Variants in PEMT observed in about 807,000 individuals in gnomAD.
The protein encoded by PEMT is phospholipid methyltransferase.
A neutral mutation model predicts 27.4 loss-of-function variants in PEMT; 23 were observed. The ratio of observed to expected loss-of-function variants is 0.84; its 90% CI spans 0.60 to 1.19. The LOEUF (loss-of-function observed/expected upper bound fraction) is 1.19. Among genes scored for constraint, PEMT ranks in the 50% most tolerant of loss-of-function variants. PEMT has a pLI of 0.00. For synonymous variants in PEMT, 137 were observed against 139.1 expected, an observed-to-expected ratio of 0.98 and a Z score of 0.11; for missense variants, 307 against 310.1, an observed-to-expected ratio of 0.99 and a Z score of 0.07.
intron 1 of PEMT, 41 bp downstream of exon 1, chr17:17,591,490 T>C: frequency 7.2e-6 from 11 of 1,517,374 alleles, no homozygotes; most frequent in Non-Finnish European, 9.1e-6. Context: ...GCCTTGCAGA[T>C]CCCTCTCCCA....
At chr17:17,571,559 C>G (rs1567739436) in intron 2 of PEMT, among the ~76,000 whole-genome samples, 1 of 152,080 alleles carries the variant, frequency 6.6e-6, no homozygotes, top group Non-Finnish European at 1.5e-5. Context: ...TGCTGATGAG[C>G]AGAAGCGGGC....
chr17:17,547,299 A>C (rs930950754), intron 2 of PEMT, among the ~76,000 whole-genome samples: 1 of 152,214 alleles, frequency 6.6e-6, no homozygotes, highest in African/African-American at 2.4e-5. Context: ...TCAGGTAGCT[A>C]TGGAGGGCTG....
chr17:17,521,616 G>A (rs1353590923), intron 3 of PEMT, among the ~76,000 whole-genome samples: 1 of 151,976 alleles, frequency 6.6e-6, no homozygotes. Context: ...CCAGGCTGGA[G>A]TGCACTGGTG....
intron 2 of PEMT, among the ~76,000 whole-genome samples, chr17:17,542,690 G>T (rs1419143885): frequency 6.6e-6 from 1 of 152,194 alleles, no homozygotes; most frequent in Non-Finnish European, 1.5e-5. Flanking sequence ...CAGTTTCAGG[G>T]CTTTTCCACA....
At chr17:17,559,586 C>A (rs1292336602) in intron 2 of PEMT, among the ~76,000 whole-genome samples, 1 of 152,110 alleles carries the variant, frequency 6.6e-6, no homozygotes, top group Non-Finnish European at 1.5e-5. Context: ...GCTGGTGGGG[C>A]CAGATGAAGG....
chr17:17,556,827 C>T (rs1294276830), intron 2 of PEMT, among the ~76,000 whole-genome samples: 1 of 152,116 alleles, frequency 6.6e-6, no homozygotes, highest in Admixed American at 6.5e-5. Flanking sequence ...GGAGTGGGAG[C>T]TTTGCTATTA....
At position 17,539,568 on chromosome 17, in the gene PEMT, C is replaced by T. The variant is rs116283482; in HGVS notation, c.205-17173G>A. Among the ~76,000 whole-genome samples the T allele has an allele frequency of 2.1e-3, 313 of 152,346 alleles. 3 individuals carry two copies. Among genetic ancestry groups the T allele is most frequent in the African/African-American group, 6.9e-3 (288 of 41,584 alleles). On this transcript the variant is annotated intron_variant, in intron 2 of 6. Coordinates refer to ENST00000255389, the MANE Select transcript of PEMT (RefSeq NM_148172.3). ...AGGATTCTTTGGTGTGGACGTGCCA[C>T]AGTCCGTGTGTCCCTGCCCCAGCTG...
At chr17:17,515,376 G>A (rs1002913583) in intron 3 of PEMT, among the ~76,000 whole-genome samples, 1 of 152,218 alleles carries the variant, frequency 6.6e-6, no homozygotes, top group Admixed American at 6.5e-5. Flanking sequence ...GGGCCAGGGA[G>A]CGGGTGGGAG....
chr17:17,567,878 T>A (rs1178061862), intron 2 of PEMT, among the ~76,000 whole-genome samples: 2 of 152,242 alleles, frequency 1.3e-5, no homozygotes, highest in African/African-American at 2.4e-5. Flanking sequence ...CAAGAGGCCC[T>A]GGCAGAGGAC....
chr17:17,586,033 A>C (rs944150660), intron 1 of PEMT, among the ~76,000 whole-genome samples: 1 of 150,600 alleles, frequency 6.6e-6, no homozygotes, highest in Non-Finnish European at 1.5e-5. Flanking sequence ...CAGTGACCCA[A>C]GATGGCGCCA....
At chr17:17,570,009 T>C (rs796774341) in intron 2 of PEMT, among the ~76,000 whole-genome samples, 10 of 152,296 alleles carry the variant, frequency 6.6e-5, no homozygotes, top group African/African-American at 1.9e-4. Flanking sequence ...GGGGTGTGCA[T>C]AGAACCTGGC....
rs1382724854 is a variant in PEMT at position 17,523,454 on chromosome 17, G to A, written c.205-1059C>T. Among the ~76,000 whole-genome samples, 1 of 152,176 alleles carries A rather than the reference G, an allele frequency of 6.6e-6. No individual in the cohort carries two copies. The highest frequency in any genetic ancestry group is 2.4e-5 in the African/African-American group (1 of 41,442). On this transcript the variant is annotated intron_variant, in intron 2 of 6. Transcript: ENST00000255389. The surrounding 1 kb of genome is among the most constrained non-coding windows in gnomAD (Gnocchi z 4.8). ...CTCCCTAGTGAGTCCTCTGGCCCCTGTCCTCAGAGCTCCTTGGCAGTGGCA... is the reference window on the plus strand; with the variant it reads ...CTCCCTAGTGAGTCCTCTGGCCCCTATCCTCAGAGCTCCTTGGCAGTGGCA...
rs1394103770 is a variant in PEMT, at chr17:17,512,683, G to A, written c.321-29C>T. ...TGGGCAGGGGATGGAGAGGGAGGAC[G>A]TCATGGCCAGGGAGGATGTCACAGC... On this transcript the variant is annotated intron_variant, in intron 3 of 6. Transcript: ENST00000255389. This position sits in a 1 kb window ranked among gnomAD's most constrained non-coding sequence, Gnocchi z 6.3. 2 of 1,482,188 alleles carry A rather than the reference G, an allele frequency of 1.3e-6. No individual in the cohort carries two copies. Among genetic ancestry groups the A allele is most frequent in the Non-Finnish European group, 1.8e-6 (2 of 1,106,928 alleles). 91.8% of individuals were successfully genotyped at this position (1,482,188 alleles called of 1,614,324 possible).
At chr17:17,570,927 T>C (rs900759255) in intron 2 of PEMT, 7 of 984,490 alleles carry the variant, frequency 7.1e-6, no homozygotes, top group Middle Eastern at 5.2e-4. Context: ...TCTGGAGTGA[T>C]AGGGAAAGAA....
chr17:17,521,141 G>A (rs913520327), intron 3 of PEMT, among the ~76,000 whole-genome samples: 2 of 152,340 alleles, frequency 1.3e-5, no homozygotes, highest in African/African-American at 2.4e-5. Flanking sequence ...GCTGTGCCTC[G>A]GCCCCAGTGA....
At chr17:17,536,085 A>G (rs1317124870) in intron 2 of PEMT, among the ~76,000 whole-genome samples, 1 of 152,218 alleles carries the variant, frequency 6.6e-6, no homozygotes, top group African/African-American at 2.4e-5. Context: ...CACTGCACTG[A>G]CTGTGGCATG....
At chr17:17,547,232 C>T (rs1909319424) in intron 2 of PEMT, among the ~76,000 whole-genome samples, 1 of 152,274 alleles carries the variant, frequency 6.6e-6, no homozygotes, top group South Asian at 2.1e-4. Context: ...CAAATGCCAG[C>T]CATAGTCCTC....
At chr17:17,569,579 G>A (rs4646353) in intron 2 of PEMT, among the ~76,000 whole-genome samples, 3,551 of 152,292 alleles carry the variant, frequency 0.023, 124 homozygotes, top group East Asian at 0.1. Flanking sequence ...TGCATCTGCC[G>A]TCTTGGCAGG....
chr17:17,551,790 G>T (rs1909671267), intron 2 of PEMT, among the ~76,000 whole-genome samples: 2 of 152,212 alleles, frequency 1.3e-5, no homozygotes, highest in African/African-American at 4.8e-5. Context: ...TGAGCTGCTG[G>T]TCAGCGACCC....
Sources: allele counts gnomAD v4.1 joint callset (sites outside exome capture counted in the v4.1 genomes callset), GRCh38; gene constraint gnomAD v4.1.1; non-coding constraint Gnocchi (gnomAD v3.1); transcripts MANE v1.5; gene names NCBI Gene and HGNC (gene_info 2026-07-23, HGNC 2026-07-21).